The following JARID2 variants were observed in gnomAD, a reference collection of about 807,000 sequenced individuals.
The protein encoded by JARID2 is protein Jumonji.
JARID2 carries 21 observed loss-of-function variants against 125.6 expected under a neutral mutation model. That is an observed-to-expected ratio of 0.17 (90% CI 0.12 to 0.24). The LOEUF is 0.24. Among genes scored for constraint, JARID2 ranks in the 10% least tolerant of loss-of-function variants. The pLI is 1.00. For missense variants in JARID2, 1,303 were observed against 1,639.6 expected (o/e 0.79, Z 3.55); for synonymous variants, 736 against 661.6 (o/e 1.11, Z -1.73).
chr6:15,306,340 T>TC (rs1236823842), intron 1 of JARID2, among the ~76,000 whole-genome samples: 19 of 147,978 alleles, frequency 1.3e-4, no homozygotes, highest in African/African-American at 3.7e-4. Context: ...TTTTTTTTTT[T>TC]TTTTTTTTTT....
intron 1 of JARID2, among the ~76,000 whole-genome samples, chr6:15,268,719 G>T (rs535483247): frequency 1.5e-4 from 23 of 152,302 alleles, no homozygotes; most frequent in African/African-American, 5.3e-4. Context: ...AAATCTCCCA[G>T]TTGGAAATTT....
At chr6:15,373,289 CT>C (rs1764238188) in intron 1 of JARID2, among the ~76,000 whole-genome samples, 1 of 152,180 alleles carries the variant, frequency 6.6e-6, no homozygotes, top group Non-Finnish European at 1.5e-5. Flanking sequence ...TTTCTTCCCT[CT>C]TTAGTGCTTT....
intron 3 of JARID2, among the ~76,000 whole-genome samples, chr6:15,421,457 A>G (rs1184543126): frequency 6.6e-6 from 1 of 151,936 alleles, no homozygotes; most frequent in Non-Finnish European, 1.5e-5. Context: ...TGACTCCAAG[A>G]AAAAAAATTC....
chr6:15,428,502 T>C (rs533108282), intron 3 of JARID2, among the ~76,000 whole-genome samples: 98 of 152,258 alleles, frequency 6.4e-4, no homozygotes, highest in Admixed American at 4.1e-3. Context: ...TTCCCACTTA[T>C]GAGTGAGAAC....
At chr6:15,276,627 G>A (rs959907281) in intron 1 of JARID2, among the ~76,000 whole-genome samples, 6 of 152,256 alleles carry the variant, frequency 3.9e-5, no homozygotes, top group African/African-American at 1.2e-4. Flanking sequence ...GCCCTGTTGT[G>A]TCTGTTTAGT....
At chr6:15,356,517 A>G (rs1248575077) in intron 1 of JARID2, among the ~76,000 whole-genome samples, 1 of 151,986 alleles carries the variant, frequency 6.6e-6, no homozygotes. Flanking sequence ...CCTATTTGTC[A>G]CGTAGTACAT....
At chr6:15,311,052 C>T (rs1413590710) in intron 1 of JARID2, among the ~76,000 whole-genome samples, 1 of 152,150 alleles carries the variant, frequency 6.6e-6, no homozygotes, top group Admixed American at 6.6e-5. Flanking sequence ...TAACATGGCA[C>T]GTTGGCAGTG....
intron 3 of JARID2, among the ~76,000 whole-genome samples, chr6:15,444,202 T>C (rs1767567675): frequency 1.3e-5 from 2 of 152,216 alleles, no homozygotes; most frequent in African/African-American, 4.8e-5. Flanking sequence ...TTTGTCATTG[T>C]GTGATGCCCT....
chr6:15,396,984 C>T (rs991815089), intron 2 of JARID2, among the ~76,000 whole-genome samples: 1 of 152,126 alleles, frequency 6.6e-6, no homozygotes, highest in Admixed American at 6.5e-5. Context: ...TGTTAGCTAT[C>T]GGGCCAGCCA....
intron 6 of JARID2, among the ~76,000 whole-genome samples, chr6:15,487,934 T>G (rs531057818): frequency 4.6e-5 from 7 of 152,254 alleles, no homozygotes; most frequent in Middle Eastern, 3.4e-3. Flanking sequence ...TGGTCTACTT[T>G]TCTGTTCTTT....
rs945348108 is a variant in JARID2 at position 15,353,279 on chromosome 6, A to G, written c.46-20838A>G. Among the ~76,000 whole-genome samples the G allele has an allele frequency of 2.6e-5, 4 of 152,204 alleles. No individual in the cohort carries two copies. In the East Asian group the frequency reaches 5.8e-4, roughly 22 times the overall value. ...GTATCGCATTGCTGTTTTAATTTGC[A>G]TTTACCCACTAATGATATTGAGCAT... On this transcript the variant is annotated intron_variant, in intron 1 of 17. Coordinates refer to ENST00000341776, the MANE Select transcript of JARID2 (RefSeq NM_004973.4).
chr6:15,435,042 G>A (rs1053390507), intron 3 of JARID2, among the ~76,000 whole-genome samples: 1 of 152,192 alleles, frequency 6.6e-6, no homozygotes, highest in African/African-American at 2.4e-5. Flanking sequence ...TAGTTTCAGT[G>A]TTCACTGTTT....
At chr6:15,295,664 A>T (rs1270862760) in intron 1 of JARID2, among the ~76,000 whole-genome samples, 1 of 151,690 alleles carries the variant, frequency 6.6e-6, no homozygotes, top group Admixed American at 6.6e-5. Flanking sequence ...AGGGTTATTT[A>T]TTTATTTATT....
chr6:15,343,621 A>G (rs564701709), intron 1 of JARID2, among the ~76,000 whole-genome samples: 1 of 152,258 alleles, frequency 6.6e-6, no homozygotes, highest in Non-Finnish European at 1.5e-5. Flanking sequence ...AGGGAGAGGA[A>G]GGGCAGCCGG....
chr6:15,294,016 G>A (rs1251507055), intron 1 of JARID2, among the ~76,000 whole-genome samples: 1 of 152,162 alleles, frequency 6.6e-6, no homozygotes, highest in Non-Finnish European at 1.5e-5. Context: ...ATTTTCCTTT[G>A]TGACTCCTAT....
chr6:15,433,211 T>C (rs563344115), intron 3 of JARID2, among the ~76,000 whole-genome samples: 22 of 152,344 alleles, frequency 1.4e-4, no homozygotes, highest in African/African-American at 5.3e-4. Flanking sequence ...TGGTTAAGAA[T>C]TTTTAGGGCC....
intron 5 of JARID2, among the ~76,000 whole-genome samples, chr6:15,469,148 C>G (rs1191123665): frequency 6.6e-6 from 1 of 151,606 alleles, no homozygotes; most frequent in Non-Finnish European, 1.5e-5. Context: ...TTTCCCCTTG[C>G]GTGTATAGTG....
At chr6:15,283,083 A>G (rs1002365792) in intron 1 of JARID2, among the ~76,000 whole-genome samples, 5 of 151,304 alleles carry the variant, frequency 3.3e-5, no homozygotes, top group African/African-American at 1.2e-4. Flanking sequence ...GGTTCTTGCC[A>G]TTCTCCTGCC....
At chr6:15,428,898 T>A (rs1272520340) in intron 3 of JARID2, among the ~76,000 whole-genome samples, 1 of 141,978 alleles carries the variant, frequency 7.0e-6, no homozygotes, top group Non-Finnish European at 1.5e-5. Context: ...ACAGCGAGAC[T>A]CTGTCTCAAA....
Sources: allele counts gnomAD v4.1 joint callset (sites outside exome capture counted in the v4.1 genomes callset), GRCh38; gene constraint gnomAD v4.1.1; transcripts MANE v1.5; gene names NCBI Gene and HGNC (gene_info 2026-07-23, HGNC 2026-07-21).